RELN: variants seen among roughly 807,000 people sequenced by gnomAD.
RELN encodes the protein reelin.
Under a neutral mutation model 427.6 loss-of-function variants are expected in RELN, and 108 were observed. The ratio of observed to expected loss-of-function variants is 0.25; its 90% CI spans 0.22 to 0.30. RELN has a LOEUF of 0.30. Ranked by LOEUF, RELN falls within the 10% of genes least tolerant of loss-of-function variation. The pLI is 1.00. For synonymous variants in RELN, 1,524 were observed against 1,513.4 expected (o/e 1.01, Z -0.16); for missense variants, 3,715 against 4,302.8 (o/e 0.86, Z 3.82).
At chr7:103,474,143 T>C (rs191561493) in intron 64 of RELN, among the ~76,000 whole-genome samples, 164 of 152,242 alleles carry the variant, frequency 1.1e-3, no homozygotes, top group African/African-American at 3.6e-3. Flanking sequence ...ACTTGTAAAA[T>C]ATAAACTTTA....
intron 40 of RELN, among the ~76,000 whole-genome samples, chr7:103,552,307 CA>C (rs1830431192): frequency 1.3e-5 from 2 of 152,066 alleles, no homozygotes; most frequent in South Asian, 4.2e-4. Flanking sequence ...ATCATGCCAT[CA>C]AAGCATAGGA....
chr7:103,773,100 T>TTTTCTTTCTTTCTTTCTTTC lies in RELN; in HGVS notation c.544+3437_544+3456dup, dbSNP rs550940718. 1.1e-3 allele frequency among the ~76,000 whole-genome samples: 143 copies of TTTTCTTTCTTTCTTTCTTTC among 128,700 alleles called. 1 individual carries two copies. Among genetic ancestry groups the TTTTCTTTCTTTCTTTCTTTC allele is most frequent in the Admixed American group, 1.9e-3 (24 of 12,688 alleles). 84.4% of individuals were successfully genotyped at this position (128,700 alleles called of 152,430 possible). On this transcript the variant is annotated intron_variant, in intron 4 of 64. Transcript: ENST00000428762. The stretch of plus-strand genomic sequence containing the variant: ...AAGGAGGAGATAGATGGTTCTCCTC[T>TTTTCTTTCTTTCTTTCTTTC]TTTCTTTCTTTCTTTCTTTCTTTCT...
At chr7:103,776,521 T>C (rs1186550848) in intron 4 of RELN, 36 bp downstream of exon 4, 1 of 1,605,430 alleles carries the variant, frequency 6.2e-7, no homozygotes, top group South Asian at 1.1e-5. Flanking sequence ...ATGAATAGTT[T>C]GGACATAACA....
chr7:103,738,885 G>A (rs1428760411), intron 6 of RELN, among the ~76,000 whole-genome samples: 3 of 151,808 alleles, frequency 2.0e-5, no homozygotes, highest in African/African-American at 4.8e-5. Context: ...GTTTCACCAC[G>A]TTGGCCAGGA....
chr7:103,499,988 A>G (rs191493308), intron 53 of RELN, among the ~76,000 whole-genome samples: 50 of 152,346 alleles, frequency 3.3e-4, no homozygotes, highest in Non-Finnish European at 5.4e-4. Context: ...AAAATGTTCA[A>G]TTCCATAGTT....
intron 27 of RELN, among the ~76,000 whole-genome samples, chr7:103,592,308 A>C (rs1831435288): frequency 6.6e-6 from 1 of 151,894 alleles, no homozygotes; most frequent in African/African-American, 2.4e-5. Context: ...CTGTTCCTTT[A>C]TTAGTTTGCC....
rs541768633 is a variant in RELN, at chr7:103,514,972, A to G, written c.8119+213T>C. On this transcript the variant is annotated intron_variant, in intron 50 of 64. Transcript: ENST00000428762. ...TTAATAAAATTATAGATTGCTATAT[A>G]TAAAAACACACTAGCTGGCTTGAAT... 2.3e-3 allele frequency among the ~76,000 whole-genome samples: 358 copies of G among 152,358 alleles called. 1 individual carries two copies. The highest frequency in any genetic ancestry group is 4.5e-3 in the Non-Finnish European group (304 of 68,044).
In RELN at chr7:103,565,286, G is replaced by A; in HGVS notation, c.5202C>T (p.Leu1734=). 6.2e-7 allele frequency: 1 copy of A among 1,614,164 alleles called. No homozygotes were observed. The highest frequency in any genetic ancestry group is 1.1e-5 in the South Asian group (1 of 91,088). Residue 1734 remains leucine, a synonymous_variant, in exon 34 of 65, where the codon CTC becomes CTT. Coordinates refer to ENST00000428762, the MANE Select transcript of RELN (RefSeq NM_005045.4). Reference sequence around the variant, plus strand: ...CAAATGACAATTCTCACATGGTGGAGAGTGGAAGGTAGACAGTGATCCGCT... The same window carrying A: ...CAAATGACAATTCTCACATGGTGGAAAGTGGAAGGTAGACAGTGATCCGCT... ...NWKRITVYLP[L]STISPRTRFR...
Position 103,483,011 on chromosome 7 carries a change from G to A in RELN, c.10182-40C>T, listed in dbSNP as rs115105042. The A allele has an allele frequency of 2.0e-3, 3,155 of 1,549,074 alleles. 55 individuals carry two copies. In the African/African-American group the frequency reaches 0.038, roughly 19 times the overall value. On this transcript the variant is annotated intron_variant, in intron 62 of 64. Transcript: ENST00000428762. The stretch of plus-strand genomic sequence containing the variant: ...GAAGGACAAAGAAGTTATACATTAG[G>A]AAACAGAACTTTTTGGTATTTGACT...
At chr7:103,743,865 G>A (rs922685441) in intron 6 of RELN, among the ~76,000 whole-genome samples, 1 of 152,094 alleles carries the variant, frequency 6.6e-6, no homozygotes, top group Admixed American at 6.5e-5. Context: ...AAGACAGAAA[G>A]TTAACAAGGA....
At chr7:103,986,081 G>T (rs576251106) in intron 1 of RELN, among the ~76,000 whole-genome samples, 1 of 152,118 alleles carries the variant, frequency 6.6e-6, no homozygotes, top group Non-Finnish European at 1.5e-5. Context: ...AAAAAAAAAT[G>T]TTCTGACCCT....
chr7:103,908,189 G>C lies in RELN; in HGVS notation c.337+8886C>G, dbSNP rs141556172. Among the ~76,000 whole-genome samples the C allele has an allele frequency of 6.8e-3, 1,034 of 152,182 alleles. 12 individuals are homozygous for C. The highest frequency in any genetic ancestry group is 0.024 in the African/African-American group (998 of 41,520). On this transcript the variant is annotated intron_variant, in intron 2 of 64. Coordinates refer to ENST00000428762, the MANE Select transcript of RELN (RefSeq NM_005045.4). Reference sequence around the variant, plus strand: ...TCTAGGGGAGGTCCATTCCAGCTCTGAATTCTGTGGGTAAGAAACTTGAGT... The same window carrying C: ...TCTAGGGGAGGTCCATTCCAGCTCTCAATTCTGTGGGTAAGAAACTTGAGT...
intron 3 of RELN, among the ~76,000 whole-genome samples, chr7:103,792,570 A>C (rs1584496361): frequency 7.2e-5 from 6 of 83,078 alleles, no homozygotes; most frequent in South Asian, 4.0e-4. Context: ...GGATGGGGGG[A>C]TGGGGGGATG....
intron 6 of RELN, among the ~76,000 whole-genome samples, chr7:103,738,166 A>G (rs1790541243): frequency 6.6e-6 from 1 of 150,898 alleles, no homozygotes; most frequent in Admixed American, 6.7e-5. Context: ...CCACTAGAAC[A>G]TCAGAGCCTG....
chr7:103,768,721 T>C (rs538565702), intron 4 of RELN, among the ~76,000 whole-genome samples: 13 of 152,156 alleles, frequency 8.5e-5, no homozygotes, highest in Admixed American at 2.6e-4. Flanking sequence ...AAGCGCTCAG[T>C]TGGGGGAAAT....
intron 9 of RELN, among the ~76,000 whole-genome samples, chr7:103,699,402 A>G (rs1333646039): frequency 6.6e-6 from 1 of 152,176 alleles, no homozygotes; most frequent in Non-Finnish European, 1.5e-5. Context: ...AAATTGATGA[A>G]GAGAATATAT....
At chr7:103,721,812 A>G (rs1031191344) in intron 8 of RELN, among the ~76,000 whole-genome samples, 3 of 152,176 alleles carry the variant, frequency 2.0e-5, no homozygotes, top group Non-Finnish European at 4.4e-5. Flanking sequence ...TATTCAGCTT[A>G]TGTTATATAT....
At chr7:103,763,720 G>T (rs1016521178) in intron 4 of RELN, among the ~76,000 whole-genome samples, 2 of 152,132 alleles carry the variant, frequency 1.3e-5, no homozygotes, top group East Asian at 3.9e-4. Flanking sequence ...AGAGTCTGGT[G>T]TCAGGTGAGG....
At chr7:103,895,607 T>C (rs550746664) in intron 2 of RELN, among the ~76,000 whole-genome samples, 1 of 152,170 alleles carries the variant, frequency 6.6e-6, no homozygotes, top group East Asian at 1.9e-4. Context: ...ATGAAAATGG[T>C]CCTGATTTTT....
Sources: gnomAD v4.1 joint callset for allele counts (sites outside exome capture counted in the v4.1 genomes callset) on GRCh38, gnomAD v4.1.1 for gene constraint, MANE v1.5 for transcripts, NCBI Gene and HGNC (gene_info 2026-07-23, HGNC 2026-07-21) for gene names.